Variants in PCDHGB2 observed in about 807,000 individuals in gnomAD.
PCDHGB2 encodes the protein protocadherin gamma-B2.
PCDHGB2 carries 55 observed loss-of-function variants against 59.3 expected under a neutral mutation model. The observed-to-expected ratio is 0.93, with a 90% CI of 0.75 to 1.16. The LOEUF is 1.16. Among genes scored for constraint, PCDHGB2 ranks in the 50% most tolerant of loss-of-function variants. The pLI, the probability that PCDHGB2 is intolerant of heterozygous loss-of-function variation, is 0.00. For synonymous variants in PCDHGB2, 516 were observed against 512.0 expected (o/e 1.01, Z -0.11); for missense variants, 1,228 against 1,198.5 (o/e 1.02, Z -0.36).
At chr5:141,488,797 T>G (rs1451050520) in intron 1 of PCDHGB2, among the ~76,000 whole-genome samples, 6 of 152,158 alleles carry the variant, frequency 3.9e-5, no homozygotes, top group Non-Finnish European at 8.8e-5. Context: ...TCTTCCCTGT[T>G]GAGTACCATC....
chr5:141,433,122 G>C (rs1442464320), intron 1 of PCDHGB2: 1 of 1,614,134 alleles, frequency 6.2e-7, no homozygotes, highest in Admixed American at 1.7e-5. Flanking sequence ...TTTGAAAAAA[G>C]CGAGCCCCTT....
intron 1 of PCDHGB2, among the ~76,000 whole-genome samples, chr5:141,380,756 T>C (rs777302606): frequency 2.0e-5 from 3 of 152,238 alleles, no homozygotes; most frequent in Non-Finnish European, 4.4e-5. Context: ...ACCAAGACAC[T>C]ATAAATTAAT....
rs537087639 is a variant in PCDHGB2 at position 141,510,502 on chromosome 5, G to A, written c.2570-445G>A. 3.3e-5 allele frequency among the ~76,000 whole-genome samples: 5 copies of A among 152,296 alleles called. No homozygotes were observed. The South Asian group carries it at 6.2e-4, about 19-fold the overall frequency. ...CTTGAGAAAGCCAGGGCAAGGAACTGAGAGCCCGTGTCACAGCCCTGAGAG... is the reference window on the plus strand; with the variant it reads ...CTTGAGAAAGCCAGGGCAAGGAACTAAGAGCCCGTGTCACAGCCCTGAGAG... On this transcript the variant is annotated intron_variant, in intron 3 of 3. Coordinates refer to ENST00000522605, the MANE Select transcript of PCDHGB2 (RefSeq NM_018923.3).
At chr5:141,498,947 AAAAG>A (rs1475471777) in intron 2 of PCDHGB2, among the ~76,000 whole-genome samples, 1 of 145,446 alleles carries the variant, frequency 6.9e-6, no homozygotes, top group African/African-American at 2.6e-5. Context: ...GAAAGAAAGA[AAAAG>A]AGAGAGAGGG....
In PCDHGB2 at chr5:141,360,410, G is replaced by T. The variant is rs773770981; in HGVS notation, c.275G>T (p.Arg92Leu). ...TTACTTGTGAGTGACAGAATAGACC[G>T]AGAACAGATATGCGGGAAGCAGCCT... ...GDLLVSDRID[R>L]EQICGKQPLC... The change falls in exon 1 of 4, where the codon CGA (arginine) becomes CTA (leucine). Residue 92 changes from arginine (R) to leucine (L), a missense_variant. Transcript: ENST00000522605. The T allele has an allele frequency of 1.9e-6, 3 of 1,613,964 alleles. No homozygotes were observed. The South Asian group carries it at 3.3e-5, about 18-fold the overall frequency.
chr5:141,377,482 G>C (rs1774042121), intron 1 of PCDHGB2: 1 of 152,036 alleles, frequency 6.6e-6, no homozygotes, highest in African/African-American at 2.4e-5. Flanking sequence ...TGTAGTCCCA[G>C]CTACTCGAGA....
chr5:141,413,024 C>G, intron 1 of PCDHGB2: 1 of 736,254 alleles, frequency 1.4e-6, no homozygotes, highest in Non-Finnish European at 2.1e-6. Context: ...ACAAGCCCCA[C>G]AAACCGGCTG....
intron 1 of PCDHGB2, among the ~76,000 whole-genome samples, chr5:141,483,432 A>G (rs756227206): frequency 2.0e-5 from 3 of 152,200 alleles, no homozygotes; most frequent in African/African-American, 4.8e-5. Flanking sequence ...GAGGGAGCTG[A>G]CTACAATAAA....
At position 141,409,172 on chromosome 5, in the gene PCDHGB2, G is replaced by T. The variant is rs574905228; in HGVS notation, c.2421+46616G>T. ...CACCATGGAAGTGGAAGCGAAGGAC[G>T]GAGGTGGTCTCTCTACCCAGTGTAA... On this transcript the variant is annotated intron_variant, in intron 1 of 3. Coordinates refer to ENST00000522605, the MANE Select transcript of PCDHGB2 (RefSeq NM_018923.3). The T allele has an allele frequency of 1.4e-5, 22 of 1,614,006 alleles. No homozygotes were observed. In the South Asian group the frequency reaches 2.4e-4, roughly 18 times the overall value.
At chr5:141,406,649 G>A (rs1447190497) in intron 1 of PCDHGB2, among the ~76,000 whole-genome samples, 2 of 152,098 alleles carry the variant, frequency 1.3e-5, no homozygotes, top group African/African-American at 2.4e-5. Flanking sequence ...ATTTCCTAAT[G>A]CTTTAATGTT....
In PCDHGB2 at chr5:141,422,632, G is replaced by T. The variant is rs199543811; in HGVS notation, c.2421+60076G>T. ...CTACATTCCCGAAAACAACCCCAGGGGTGCCTCCATCTTCTCAGTGACCGC... is the reference window on the plus strand; with the variant it reads ...CTACATTCCCGAAAACAACCCCAGGTGTGCCTCCATCTTCTCAGTGACCGC... On this transcript the variant is annotated intron_variant, in intron 1 of 3. Coordinates refer to ENST00000522605, the MANE Select transcript of PCDHGB2 (RefSeq NM_018923.3). 4,245 of 1,613,132 alleles carry T rather than the reference G, an allele frequency of 2.6e-3. 5 individuals carry two copies. The highest frequency in any genetic ancestry group is 3.2e-3 in the Admixed American group (193 of 59,948).
At chr5:141,408,458 G>T (rs760881860) in intron 1 of PCDHGB2, 4 of 1,614,066 alleles carry the variant, frequency 2.5e-6, no homozygotes, top group South Asian at 2.2e-5. Flanking sequence ...GGACTTACTT[G>T]TGAAGAACCG....
chr5:141,503,161 T>C (rs1035413931), intron 2 of PCDHGB2, among the ~76,000 whole-genome samples: 3 of 152,054 alleles, frequency 2.0e-5, no homozygotes, highest in Admixed American at 1.3e-4. Context: ...AGTATCACAA[T>C]TGCAATTACT....
At chr5:141,448,449 T>C (rs528049717) in intron 1 of PCDHGB2, among the ~76,000 whole-genome samples, 1 of 152,284 alleles carries the variant, frequency 6.6e-6, no homozygotes, top group South Asian at 2.1e-4. Context: ...CTGACTTCCA[T>C]CCCTATCCTA....
chr5:141,360,486 C>T lies in PCDHGB2; in HGVS notation c.351C>T (p.Phe117=). ...DTVAENPLNI[F]YIAVIVQDIN... ...TCGCTGAAAATCCACTAAATATTTT[C>T]TACATAGCAGTAATTGTGCAGGATA... The change falls in exon 1 of 4, where the codon TTC becomes TTT. Residue 117 remains phenylalanine, a synonymous_variant. Transcript: ENST00000522605. The T allele has an allele frequency of 6.2e-7, 1 of 1,613,944 alleles. No homozygotes were observed. Among genetic ancestry groups the T allele is most frequent in the Non-Finnish European group, 8.5e-7 (1 of 1,179,880 alleles).
Position 141,485,585 on chromosome 5 carries a change from C to G in PCDHGB2, c.2422-9222C>G, listed in dbSNP as rs373987810. The G allele has an allele frequency of 7.4e-6, 12 of 1,612,204 alleles. No individual in the cohort carries two copies. The highest frequency in any genetic ancestry group is 1.0e-5 in the Non-Finnish European group (12 of 1,178,590). On this transcript the variant is annotated intron_variant, in intron 1 of 3. Transcript: ENST00000522605. The surrounding 1 kb of genome is among the most constrained non-coding windows in gnomAD (Gnocchi z 5.7). ...CGCCCCCCGTTTTCCGCGGCAGCAG[C>G]TGGACTTGGAAATTGGGGAGGCAGC...
Position 141,486,986 on chromosome 5 carries a change from T to C in PCDHGB2, c.2422-7821T>C. Reference sequence around the variant, plus strand: ...GGACTTGGATTCAGGTTACAATGCTTGGGTTTCCTATCAGCTCCTGGAGGC... The same window carrying C: ...GGACTTGGATTCAGGTTACAATGCTCGGGTTTCCTATCAGCTCCTGGAGGC... On this transcript the variant is annotated intron_variant, in intron 1 of 3. Coordinates refer to ENST00000522605, the MANE Select transcript of PCDHGB2 (RefSeq NM_018923.3). The surrounding 1 kb of genome is among the most constrained non-coding windows in gnomAD (Gnocchi z 5.0). 6.2e-7 allele frequency: 1 copy of C among 1,614,214 alleles called. No homozygotes were observed. Among genetic ancestry groups the C allele is most frequent in the South Asian group, 1.1e-5 (1 of 91,088 alleles).
At chr5:141,418,127 A>T in intron 1 of PCDHGB2, 1 of 1,614,104 alleles carries the variant, frequency 6.2e-7, no homozygotes, top group Non-Finnish European at 8.5e-7. Context: ...GAAGGACCGA[A>T]TAGACCGTGA....
intron 1 of PCDHGB2, among the ~76,000 whole-genome samples, chr5:141,466,493 A>G (rs2099123402): frequency 6.6e-6 from 1 of 152,226 alleles, no homozygotes; most frequent in South Asian, 2.1e-4. Context: ...TTCTTTAATT[A>G]GAGCACAGAC....
Sources: gnomAD v4.1 joint callset for allele counts (sites outside exome capture counted in the v4.1 genomes callset) on GRCh38, gnomAD v4.1.1 for gene constraint, Gnocchi (gnomAD v3.1) non-coding constraint, MANE v1.5 for transcripts, NCBI Gene and HGNC (gene_info 2026-07-23, HGNC 2026-07-21) for gene names.